The following TRIM69 variants were observed in gnomAD, a reference collection of about 807,000 sequenced individuals.
TRIM69 encodes the protein E3 ubiquitin-protein ligase TRIM69.
In TRIM69, 29 loss-of-function variants were observed where a neutral mutation model predicts 37.7. The observed-to-expected ratio is 0.77, with a 90% CI of 0.57 to 1.05. TRIM69 has a LOEUF of 1.05. Ranked by LOEUF, TRIM69 falls within the 50% of genes least tolerant of loss-of-function variation. The probability of loss-of-function intolerance (pLI) is 0.00; values close to 1 mark genes in which losing one functional copy is unlikely to be tolerated. For missense variants in TRIM69, 596 were observed against 579.9 expected (o/e 1.03, Z -0.28); for synonymous variants, 209 against 212.4 (o/e 0.98, Z 0.14).
intron 1 of TRIM69, among the ~76,000 whole-genome samples, chr15:44,742,475 A>C (rs1307357272): frequency 6.3e-5 from 9 of 143,108 alleles, no homozygotes; most frequent in Non-Finnish European, 1.2e-4. Context: ...TAGGGCAATT[A>C]GGCAGGAGAA....
Position 44,758,633 on chromosome 15 carries a change from C to A in TRIM69, c.592C>A (p.His198Asn), listed in dbSNP as rs1446056457. ...AIAAHKENKL[H>N]LQQHVSMEFL... ...TGGAGGTTTCCAGGAAAACAAGCTA[C>A]ATCTGCAGCAACATGTGTCCATGGA... Residue 198 changes from histidine (H) to asparagine (N), a missense_variant, in exon 4 of 7, where the codon CAT becomes AAT. By Grantham distance (68) the His-to-Asn change is moderately conservative. Coordinates refer to ENST00000329464, the MANE Select transcript of TRIM69 (RefSeq NM_182985.5). 1.2e-6 allele frequency: 2 copies of A among 1,614,004 alleles called. No homozygotes were observed. The highest frequency in any genetic ancestry group is 2.7e-5 in the African/African-American group (2 of 74,934).
intron 1 of TRIM69, among the ~76,000 whole-genome samples, chr15:44,751,117 A>G (rs7168751): frequency 0.91 from 137,572 of 150,474 alleles, 63,049 homozygotes; most frequent in Middle Eastern, 0.96. Flanking sequence ...ACCACACCTA[A>G]CTTTTTTTTT....
Position 44,767,604 on chromosome 15 carries a change from A to G in TRIM69, c.1335A>G (p.Ile445Met), listed in dbSNP as rs772259537. The G allele has an allele frequency of 1.2e-6, 2 of 1,614,076 alleles. No homozygotes were observed. The highest frequency in any genetic ancestry group is 1.1e-5 in the South Asian group (1 of 91,088). Residue 445 changes from isoleucine (I) to methionine (M), a missense_variant, in exon 7 of 7, where the codon ATA becomes ATG. Physicochemically the swap from Ile to Met is conservative, Grantham distance 10. Coordinates refer to ENST00000329464, the MANE Select transcript of TRIM69 (RefSeq NM_182985.5). ...TLTNNLDKVG[I>M]YLDYEGGQLS... ...CTAACAACCTCGACAAGGTGGGCAT[A>G]TACCTGGATTATGAAGGAGGACAGT...
In TRIM69 at chr15:44,755,348, A is replaced by G; in HGVS notation, c.455A>G (p.Gln152Arg). Residue 152 changes from glutamine to arginine, a missense_variant, in exon 2 of 7, where the codon CAA becomes CGA. Coordinates refer to ENST00000329464, the MANE Select transcript of TRIM69 (RefSeq NM_182985.5). ...LSVGQSKEFL[Q>R]ISDAVHFFTE... ...GTGGGGCAGTCTAAGGAGTTCCTGC[A>G]AATCTCTGATGCTGTCCATTTCTTC... The G allele has an allele frequency of 1.2e-6, 2 of 1,613,586 alleles. No individual in the cohort carries two copies. Among genetic ancestry groups the G allele is most frequent in the South Asian group, 2.2e-5 (2 of 91,066 alleles).
intron 1 of TRIM69, among the ~76,000 whole-genome samples, chr15:44,742,772 TCTTCAAGGAGAA>T (rs1177278935): frequency 1.3e-5 from 2 of 148,442 alleles, no homozygotes; most frequent in African/African-American, 5.0e-5. Context: ...GTGAATGACC[TCTTCAAGGAGAA>T]CTACAAACCA....
chr15:44,749,816 C>T (rs1183221038), intron 1 of TRIM69, among the ~76,000 whole-genome samples: 1 of 152,134 alleles, frequency 6.6e-6, no homozygotes, highest in Non-Finnish European at 1.5e-5. Flanking sequence ...AAACTGATTT[C>T]CACAGTGGTT....
At chr15:44,766,301 C>T (rs2087886597) in intron 6 of TRIM69, among the ~76,000 whole-genome samples, 1 of 152,208 alleles carries the variant, frequency 6.6e-6, no homozygotes, top group South Asian at 2.1e-4. Context: ...CTGTTAACCA[C>T]ATGGTATGTG....
intron 1 of TRIM69, among the ~76,000 whole-genome samples, chr15:44,748,121 C>T (rs8042821): frequency 0.054 from 8,240 of 152,254 alleles, 237 homozygotes; most frequent in Non-Finnish European, 0.061. Context: ...GTTTTCCTCT[C>T]AAGAACAGAA....
chr15:44,754,906 AC>A lies in TRIM69; in HGVS notation c.15del (p.Asn6ThrfsTer14), dbSNP rs767567314. On this transcript the variant is annotated frameshift_variant, in exon 2 of 7. Coordinates refer to ENST00000329464, the MANE Select transcript of TRIM69 (RefSeq NM_182985.5). LOFTEE classifies it high-confidence loss of function. The stretch of plus-strand genomic sequence containing the variant: ...TAGCTGTTCTTTTCTAAAGGTATCC[AC>A]CAACCCCTCCTCCAACATCGATCCA... MEVS[T>X]NPSSNIDPGD... 6.2e-7 allele frequency: 1 copy of A among 1,610,188 alleles called. No individual in the cohort carries two copies. The highest frequency in any genetic ancestry group is 1.7e-5 in the Admixed American group (1 of 59,870).
At chr15:44,750,322 G>A (rs2087492377) in intron 1 of TRIM69, among the ~76,000 whole-genome samples, 1 of 152,174 alleles carries the variant, frequency 6.6e-6, no homozygotes, top group Non-Finnish European at 1.5e-5. Context: ...GAGAAGGATT[G>A]ATATTAATTC....
chr15:44,757,348 A>G (rs1210334806), intron 3 of TRIM69: 1 of 152,196 alleles, frequency 6.6e-6, no homozygotes, highest in South Asian at 2.1e-4. Flanking sequence ...ATAGGGTATG[A>G]TGATAGCATA....
chr15:44,757,532 C>G (rs1421221729), intron 3 of TRIM69: 1 of 152,040 alleles, frequency 6.6e-6, no homozygotes, highest in Non-Finnish European at 1.5e-5. Flanking sequence ...TGGAAAAGTC[C>G]TGAGATGGAA....
At chr15:44,744,055 C>A (rs1714681102) in intron 1 of TRIM69, among the ~76,000 whole-genome samples, 1 of 151,840 alleles carries the variant, frequency 6.6e-6, no homozygotes, top group African/African-American at 2.4e-5. Context: ...TGGAACCAAC[C>A]CAAATGTCCA....
intron 1 of TRIM69, among the ~76,000 whole-genome samples, chr15:44,747,017 A>G (rs995879373): frequency 1.3e-5 from 2 of 152,188 alleles, no homozygotes; most frequent in African/African-American, 4.8e-5. Flanking sequence ...TCAAGCAGGA[A>G]TGTGAGAAAG....
intron 1 of TRIM69, among the ~76,000 whole-genome samples, chr15:44,749,382 T>A (rs2087474278): frequency 6.6e-6 from 1 of 152,222 alleles, no homozygotes; most frequent in Non-Finnish European, 1.5e-5. Flanking sequence ...ATATGAGCAG[T>A]CACTCCCCAT....
chr15:44,742,818 C>T (rs375690946), intron 1 of TRIM69, among the ~76,000 whole-genome samples: 1 of 150,524 alleles, frequency 6.6e-6, no homozygotes, highest in African/African-American at 2.4e-5. Context: ...TAAAAGAGGA[C>T]ACAAACAAAT....
At chr15:44,758,488 G>C in intron 3 of TRIM69, 133 bp from the exon 4 acceptor site, 1 of 1,261,960 alleles carries the variant, frequency 7.9e-7, no homozygotes, top group Non-Finnish European at 1.1e-6. Flanking sequence ...GACTGAATTT[G>C]ATATTCAGTA....
At chr15:44,760,431 C>A (rs1419928340) in intron 6 of TRIM69, among the ~76,000 whole-genome samples, 1 of 152,006 alleles carries the variant, frequency 6.6e-6, no homozygotes, top group African/African-American at 2.4e-5. Flanking sequence ...ATTTCAAGAA[C>A]ATCAAATAAA....
At chr15:44,754,662 T>C (rs1056004758) in intron 1 of TRIM69, 43 of 471,940 alleles carry the variant, frequency 9.1e-5, no homozygotes, top group African/African-American at 8.1e-4. Flanking sequence ...ACAAAGTACA[T>C]TTCTTTGATT....
Sources: allele counts gnomAD v4.1 joint callset (sites outside exome capture counted in the v4.1 genomes callset), GRCh38; gene constraint gnomAD v4.1.1; transcripts MANE v1.5; gene names NCBI Gene and HGNC (gene_info 2026-07-23, HGNC 2026-07-21).